RALGPS2: variants seen among roughly 807,000 people sequenced by gnomAD.
The protein encoded by RALGPS2 is ras-specific guanine nucleotide-releasing factor RalGPS2.
A neutral mutation model predicts 86.8 loss-of-function variants in RALGPS2; 43 were observed. The observed-to-expected ratio is 0.50, with a 90% CI of 0.39 to 0.64. The LOEUF is 0.64. Among genes scored for constraint, RALGPS2 ranks in the 30% least tolerant of loss-of-function variants. RALGPS2 has a pLI of 0.00. For missense variants in RALGPS2, 536 were observed against 694.6 expected (o/e 0.77, Z 2.57); for synonymous variants, 243 against 231.3 (o/e 1.05, Z -0.46).
chr1:178,865,552 G>C, intron 8 of RALGPS2: 1 of 1,614,046 alleles, frequency 6.2e-7, no homozygotes. Flanking sequence ...TGTCTTTAAT[G>C]GTACTTGCAT....
At chr1:178,725,734 TCTCC>T (rs1287146018) in intron 1 of RALGPS2, 1 of 152,106 alleles carries the variant, frequency 6.6e-6, no homozygotes, top group African/African-American at 2.4e-5. Flanking sequence ...CCCGCCTCGC[TCTCC>T]CTCTTGGGTG....
At position 178,732,821 on chromosome 1, in the gene RALGPS2, T is replaced by C. The variant is rs111487424; in HGVS notation, c.-84+7402T>C. 4.9e-3 allele frequency among the ~76,000 whole-genome samples: 748 copies of C among 152,218 alleles called. 6 individuals carry two copies. Among genetic ancestry groups the C allele is most frequent in the African/African-American group, 0.016 (679 of 41,536 alleles). ...ATCATCTTTTCCATTAATCTGTTAA[T>C]AGGATGTATTACATTAATAGATTAT... On this transcript the variant is annotated intron_variant, in intron 1 of 19. Transcript: ENST00000367635.
chr1:178,791,357 G>A (rs540586938), intron 4 of RALGPS2, among the ~76,000 whole-genome samples: 190 of 149,208 alleles, frequency 1.3e-3, no homozygotes, highest in African/African-American at 4.6e-3. Context: ...TTGAATGCCT[G>A]GGCTCAAGCG....
intron 6 of RALGPS2, among the ~76,000 whole-genome samples, chr1:178,819,802 C>T (rs1402845423): frequency 6.6e-6 from 1 of 152,202 alleles, no homozygotes; most frequent in African/African-American, 2.4e-5. Context: ...TCCATTCCCC[C>T]TCTTCAACTC....
At chr1:178,900,420 G>A (rs1284671272) in intron 17 of RALGPS2, among the ~76,000 whole-genome samples, 1 of 151,846 alleles carries the variant, frequency 6.6e-6, no homozygotes, top group Non-Finnish European at 1.5e-5. Flanking sequence ...CATAGCATTG[G>A]TCATGATATG....
At chr1:178,855,682 A>G (rs1657487960) in intron 8 of RALGPS2, among the ~76,000 whole-genome samples, 2 of 151,868 alleles carry the variant, frequency 1.3e-5, no homozygotes, top group African/African-American at 4.8e-5. Context: ...CGTTATAAAC[A>G]TATTTTCCTT....
chr1:178,852,154 A>G (rs1190199206), intron 8 of RALGPS2, among the ~76,000 whole-genome samples: 2 of 152,104 alleles, frequency 1.3e-5, no homozygotes, highest in African/African-American at 2.4e-5. Context: ...CTTTATTCAA[A>G]TGTTGCTTTC....
At chr1:178,765,173 TA>T (rs1382843183) in intron 1 of RALGPS2, among the ~76,000 whole-genome samples, 2 of 151,694 alleles carry the variant, frequency 1.3e-5, no homozygotes, top group Non-Finnish European at 2.9e-5. Context: ...TTTTTTTTTT[TA>T]TACAGAGTCT....
At chr1:178,751,581 A>G (rs887024188) in intron 1 of RALGPS2, among the ~76,000 whole-genome samples, 2 of 152,184 alleles carry the variant, frequency 1.3e-5, no homozygotes, top group Non-Finnish European at 2.9e-5. Context: ...AATAATATTT[A>G]TCTTAGAGGA....
chr1:178,899,020 G>A (rs1392934885), intron 17 of RALGPS2, among the ~76,000 whole-genome samples: 2 of 151,870 alleles, frequency 1.3e-5, no homozygotes, highest in Non-Finnish European at 2.9e-5. Context: ...GCCACATTGA[G>A]ATACTTGCTG....
intron 7 of RALGPS2, among the ~76,000 whole-genome samples, chr1:178,824,016 A>G (rs1235210760): frequency 2.0e-5 from 3 of 152,194 alleles, no homozygotes; most frequent in African/African-American, 4.8e-5. Flanking sequence ...GAAATCAACA[A>G]AGGAAATTAC....
intron 18 of RALGPS2, among the ~76,000 whole-genome samples, chr1:178,902,633 T>G (rs1558179444): frequency 6.6e-6 from 1 of 152,162 alleles, no homozygotes; most frequent in African/African-American, 2.4e-5. Context: ...TTGTTATTCT[T>G]AAGTTCTGAA....
intron 14 of RALGPS2, among the ~76,000 whole-genome samples, chr1:178,890,197 A>G (rs575615863): frequency 1.3e-5 from 2 of 152,116 alleles, no homozygotes; most frequent in Admixed American, 1.3e-4. Flanking sequence ...AAATACTCTA[A>G]GTTGTGCTCC....
chr1:178,773,835 T>G (rs2102096808), intron 1 of RALGPS2, among the ~76,000 whole-genome samples: 1 of 152,068 alleles, frequency 6.6e-6, no homozygotes, highest in East Asian at 1.9e-4. Flanking sequence ...CATTTGTAAA[T>G]AGTTACGAAA....
chr1:178,849,902 A>G (rs928923808), intron 8 of RALGPS2: 2 of 152,242 alleles, frequency 1.3e-5, no homozygotes, highest in South Asian at 2.1e-4. Flanking sequence ...TTCATGAGCT[A>G]TCTTTAAAAT....
intron 1 of RALGPS2, among the ~76,000 whole-genome samples, chr1:178,749,945 A>G (rs759810011): frequency 4.0e-5 from 6 of 151,430 alleles, no homozygotes; most frequent in South Asian, 2.1e-4. Context: ...AACAACAACA[A>G]CACACACACA....
At chr1:178,835,911 C>T (rs950827059) in intron 8 of RALGPS2, among the ~76,000 whole-genome samples, 2 of 152,130 alleles carry the variant, frequency 1.3e-5, no homozygotes, top group South Asian at 2.1e-4. Flanking sequence ...TTTTCTCAAA[C>T]TAAATTTCAT....
chr1:178,883,759 G>T (rs965692400), intron 11 of RALGPS2, among the ~76,000 whole-genome samples: 13 of 152,124 alleles, frequency 8.5e-5, no homozygotes, highest in African/African-American at 3.1e-4. Context: ...GCCGAGGCGG[G>T]CGGATCACAG....
At chr1:178,879,788 TAAAAAAAAA>T (rs66682956) in intron 10 of RALGPS2, 1 of 104,088 alleles carries the variant, frequency 9.6e-6, no homozygotes, top group Non-Finnish European at 2.0e-5. Flanking sequence ...AAACTCCGTC[TAAAAAAAAA>T]AAAAAAAAAA....
Sources: allele counts gnomAD v4.1 joint callset (sites outside exome capture counted in the v4.1 genomes callset), GRCh38; gene constraint gnomAD v4.1.1; transcripts MANE v1.5; gene names NCBI Gene and HGNC (gene_info 2026-07-23, HGNC 2026-07-21).